The following CNTNAP2 variants were observed in gnomAD, a reference collection of about 807,000 sequenced individuals.
CNTNAP2 encodes contactin-associated protein-like 2.
Under a neutral mutation model 155.2 loss-of-function variants are expected in CNTNAP2, and 98 were observed. The ratio of observed to expected loss-of-function variants is 0.63; its 90% CI spans 0.54 to 0.75. CNTNAP2 has a LOEUF of 0.75. Among genes scored for constraint, CNTNAP2 ranks in the 30% least tolerant of loss-of-function variants. The probability of loss-of-function intolerance (pLI) is 0.00; values close to 1 mark genes in which losing one functional copy is unlikely to be tolerated. For missense variants in CNTNAP2, 1,727 were observed against 1,688.1 expected (o/e 1.02, Z -0.40); for synonymous variants, 651 against 631.2 (o/e 1.03, Z -0.47).
intron 2 of CNTNAP2, among the ~76,000 whole-genome samples, chr7:146,796,762 A>G (rs1020888575): frequency 6.6e-6 from 1 of 151,992 alleles, no homozygotes; most frequent in African/African-American, 2.4e-5. Flanking sequence ...TGACTACCTT[A>G]TTCACTTTGT....
At chr7:146,992,696 T>G (rs1242268407) in intron 3 of CNTNAP2, among the ~76,000 whole-genome samples, 1 of 151,790 alleles carries the variant, frequency 6.6e-6, no homozygotes, top group Non-Finnish European at 1.5e-5. Flanking sequence ...GAAAAAGTAG[T>G]CATACTAAGA....
chr7:147,403,145 C>G (rs1356280434), intron 10 of CNTNAP2, among the ~76,000 whole-genome samples: 3 of 152,104 alleles, frequency 2.0e-5, no homozygotes, highest in East Asian at 3.9e-4. Context: ...TATCCTAACC[C>G]AGACATTCCT....
At chr7:148,033,830 T>C (rs1802525636) in intron 15 of CNTNAP2, among the ~76,000 whole-genome samples, 1 of 152,132 alleles carries the variant, frequency 6.6e-6, no homozygotes, top group South Asian at 2.1e-4. Context: ...CCCACATCTG[T>C]TTAAATCTCC....
At chr7:147,518,986 G>A (rs555084146) in intron 11 of CNTNAP2, among the ~76,000 whole-genome samples, 20 of 140,740 alleles carry the variant, frequency 1.4e-4, no homozygotes, top group African/African-American at 4.8e-4. Context: ...AGCCGAGATA[G>A]CGCCACTGCA....
At chr7:146,581,625 T>A (rs557153485) in intron 1 of CNTNAP2, among the ~76,000 whole-genome samples, 1 of 151,264 alleles carries the variant, frequency 6.6e-6, no homozygotes, top group Non-Finnish European at 1.5e-5. Flanking sequence ...ATGTAATGTA[T>A]TATAATAAAC....
intron 8 of CNTNAP2, among the ~76,000 whole-genome samples, chr7:147,144,333 A>T (rs544801677): frequency 3.3e-5 from 5 of 152,320 alleles, no homozygotes; most frequent in Non-Finnish European, 7.4e-5. Context: ...CCATACTTCC[A>T]TCCTGACCCC....
intron 21 of CNTNAP2, chr7:148,339,394 A>T (rs1425018654): frequency 6.6e-6 from 1 of 152,310 alleles, no homozygotes; most frequent in Non-Finnish European, 1.5e-5. Context: ...CTCCCAGTAC[A>T]GTCAGATCCG....
At chr7:146,133,299 G>C (rs1183239215) in intron 1 of CNTNAP2, among the ~76,000 whole-genome samples, 2 of 151,372 alleles carry the variant, frequency 1.3e-5, no homozygotes, top group African/African-American at 4.8e-5. Context: ...GTTCATTGTA[G>C]ATTCTCGATA....
intron 1 of CNTNAP2, among the ~76,000 whole-genome samples, chr7:146,478,445 AGC>A (rs1042147138): frequency 1.6e-4 from 24 of 152,166 alleles, no homozygotes; most frequent in Admixed American, 1.1e-3. Context: ...ACACCCTCCA[AGC>A]GGGGCCTCTT....
intron 1 of CNTNAP2, among the ~76,000 whole-genome samples, chr7:146,657,677 G>C (rs1259089478): frequency 6.6e-6 from 1 of 151,510 alleles, no homozygotes; most frequent in Non-Finnish European, 1.5e-5. Flanking sequence ...TTTTTTCTTT[G>C]GGATTTTGGA....
intron 12 of CNTNAP2, among the ~76,000 whole-genome samples, chr7:147,601,208 C>G (rs373756767): frequency 6.6e-6 from 1 of 152,110 alleles, no homozygotes; most frequent in African/African-American, 2.4e-5. Context: ...TTTTCACTGG[C>G]GTCCCTGTGA....
chr7:146,648,740 G>A (rs1013581942), intron 1 of CNTNAP2, among the ~76,000 whole-genome samples: 10 of 151,962 alleles, frequency 6.6e-5, no homozygotes, highest in Admixed American at 5.3e-4. Flanking sequence ...ACCTGACATA[G>A]CAAAAAGATA....
At chr7:147,617,600 T>G (rs1421141858) in intron 12 of CNTNAP2, among the ~76,000 whole-genome samples, 2 of 152,122 alleles carry the variant, frequency 1.3e-5, no homozygotes, top group African/African-American at 2.4e-5. Context: ...AATAAAAATT[T>G]TATGCTTGGT....
chr7:147,803,137 G>T (rs1338277939), intron 13 of CNTNAP2, among the ~76,000 whole-genome samples: 1 of 152,148 alleles, frequency 6.6e-6, no homozygotes, highest in Admixed American at 6.6e-5. Flanking sequence ...GACCAAACCA[G>T]TTTAAAAATG....
intron 1 of CNTNAP2, among the ~76,000 whole-genome samples, chr7:146,488,377 T>A (rs917562821): frequency 1.3e-5 from 2 of 151,006 alleles, no homozygotes. Flanking sequence ...TAAGTAGATA[T>A]TAATTATATC....
intron 3 of CNTNAP2, among the ~76,000 whole-genome samples, chr7:146,934,383 T>C (rs1421733013): frequency 7.3e-6 from 1 of 137,812 alleles, no homozygotes; most frequent in East Asian, 2.1e-4. Context: ...TAGATGGGAA[T>C]TGAACAATGA....
intron 1 of CNTNAP2, among the ~76,000 whole-genome samples, chr7:146,177,592 A>C (rs984886019): frequency 1.3e-5 from 2 of 152,218 alleles, no homozygotes; most frequent in African/African-American, 4.8e-5. Flanking sequence ...CTTAGTGTTT[A>C]CTTCTAGTTT....
chr7:146,789,225 T>C (rs1273715333), intron 2 of CNTNAP2, among the ~76,000 whole-genome samples: 1 of 152,214 alleles, frequency 6.6e-6, no homozygotes, highest in Non-Finnish European at 1.5e-5. Flanking sequence ...AATAATTCAC[T>C]ATTCTGTCCT....
At chr7:146,292,804 A>G (rs959118730) in intron 1 of CNTNAP2, among the ~76,000 whole-genome samples, 1 of 152,204 alleles carries the variant, frequency 6.6e-6, no homozygotes, top group Non-Finnish European at 1.5e-5. Context: ...ACTCTCACGT[A>G]TATGTGGAAT....
Sources: allele counts gnomAD v4.1 joint callset (sites outside exome capture counted in the v4.1 genomes callset), GRCh38; gene constraint gnomAD v4.1.1; transcripts MANE v1.5; gene names NCBI Gene and HGNC (gene_info 2026-07-23, HGNC 2026-07-21).